BAZ1B: variants seen among roughly 807,000 people sequenced by gnomAD.
BAZ1B encodes the protein bromodomain adjacent to zinc finger domain 1B, also known as tyrosine-protein kinase BAZ1B.
BAZ1B carries 22 observed loss-of-function variants against 153.8 expected under a neutral mutation model. That is an observed-to-expected ratio of 0.14 (90% CI 0.10 to 0.20). BAZ1B has a LOEUF of 0.20. BAZ1B is among the 10% of genes least tolerant of loss of function. The pLI is 1.00. For synonymous variants in BAZ1B, 676 were observed against 633.4 expected (o/e 1.07, Z -1.01); for missense variants, 1,325 against 1,799.3 (o/e 0.74, Z 4.77).
At position 73,522,058 on chromosome 7, in the gene BAZ1B, G is replaced by GCGGCGCGAACTCCGGCTCCCTCACCGC. The variant is rs1791082877; in HGVS notation, c.-152_-126dup. On this transcript the variant is annotated 5_prime_UTR_variant, in exon 1 of 20. Transcript: ENST00000339594. ...GGTGGGGGAAGGGAGGGGTGAGAGG[G>GCGGCGCGAACTCCGGCTCCCTCACCGC]CGGCGCGAACTCCGGCTCCCTCACC... 4.9e-6 allele frequency: 3 copies of GCGGCGCGAACTCCGGCTCCCTCACCGC among 616,088 alleles called. No homozygotes were observed. Among genetic ancestry groups the GCGGCGCGAACTCCGGCTCCCTCACCGC allele is most frequent in the Non-Finnish European group, 7.0e-6 (3 of 426,572 alleles). 38.2% of individuals were successfully genotyped at this position (616,088 alleles called of 1,614,324 possible). A position where few individuals can be genotyped will look rare whatever the true frequency, so the allele number is the denominator to read the frequency against.
At chr7:73,495,711 T>G (rs1414292729) in intron 4 of BAZ1B, among the ~76,000 whole-genome samples, 2 of 152,172 alleles carry the variant, frequency 1.3e-5, no homozygotes, top group Non-Finnish European at 2.9e-5. Flanking sequence ...TAAAAAAGAA[T>G]GAGATCATGT....
At position 73,478,196 on chromosome 7, in the gene BAZ1B, T is replaced by C. The variant is rs782674372; in HGVS notation, c.1265A>G (p.Lys422Arg). 17 of 1,614,096 alleles carry C rather than the reference T, an allele frequency of 1.1e-5. 1 individual carries two copies. The South Asian group carries it at 1.1e-4, about 10-fold the overall frequency. The change falls in exon 7 of 20, where the codon AAA becomes AGA. Residue 422 changes from lysine to arginine, a missense_variant. Transcript: ENST00000339594. ...LNGQKSTGNS[K>R]SPKKGLKTPK... is the part of the protein sequence containing the mutation. The stretch of plus-strand genomic sequence containing the variant: ...AGTCTTCAGTCCTTTTTTGGGAGAT[T>C]TGGAATTCCCTGTGGATTTCTGTCC...
intron 1 of BAZ1B, among the ~76,000 whole-genome samples, chr7:73,518,582 T>A (rs1790907179): frequency 6.6e-6 from 1 of 152,186 alleles, no homozygotes; most frequent in Non-Finnish European, 1.5e-5. Flanking sequence ...AGTGCGTGCC[T>A]GTAGTCCCAG....
In BAZ1B at chr7:73,443,989, C is replaced by G; in HGVS notation, c.3985G>C (p.Glu1329Gln). ...APPVDDAEVD[E>Q]LVLQTKRSSR... is the part of the protein sequence containing the mutation. ...GGATGATAAATAATTCTCACCAGCT[C>G]ATCCACCTCAGCATCATCCACAGGT... Residue 1329 changes from glutamate (E) to glutamine (Q), a missense_variant, in exon 17 of 20, where the codon GAG becomes CAG. This residue lies in a region of BAZ1B where 271 missense variants were observed against 337.2 expected (regional missense o/e 0.80). Coordinates refer to ENST00000339594, the MANE Select transcript of BAZ1B (RefSeq NM_032408.4). The G allele has an allele frequency of 6.2e-7, 1 of 1,613,280 alleles. No individual in the cohort carries two copies. The highest frequency in any genetic ancestry group is 1.3e-5 in the African/African-American group (1 of 75,038).
At chr7:73,502,220 T>C (rs1186794096) in intron 3 of BAZ1B, among the ~76,000 whole-genome samples, 3 of 151,704 alleles carry the variant, frequency 2.0e-5, no homozygotes, top group Non-Finnish European at 4.4e-5. Context: ...CAGAAACAAC[T>C]GTGGATTTTG....
chr7:73,507,657 G>A (rs1192996073), intron 3 of BAZ1B, among the ~76,000 whole-genome samples: 1 of 152,222 alleles, frequency 6.6e-6, no homozygotes, highest in African/African-American at 2.4e-5. Flanking sequence ...ACAAAGTGTT[G>A]CAATTATTAC....
intron 2 of BAZ1B, among the ~76,000 whole-genome samples, chr7:73,509,939 T>C (rs553906911): frequency 1.3e-5 from 2 of 150,094 alleles, no homozygotes; most frequent in African/African-American, 4.9e-5. Flanking sequence ...CCAGCCTGGC[T>C]AACATGGTGA....
At chr7:73,478,876 A>C (rs556998212) in intron 6 of BAZ1B, among the ~76,000 whole-genome samples, 1 of 152,312 alleles carries the variant, frequency 6.6e-6, no homozygotes, top group East Asian at 1.9e-4. Context: ...CTCCAGCAGA[A>C]ATAGTAGACA....
chr7:73,494,929 C>T (rs782090471), intron 4 of BAZ1B, among the ~76,000 whole-genome samples: 1 of 152,172 alleles, frequency 6.6e-6, no homozygotes, highest in Non-Finnish European at 1.5e-5. Context: ...TTCTTGTTTA[C>T]CTGCCTTGGG....
intron 12 of BAZ1B, among the ~76,000 whole-genome samples, chr7:73,461,391 C>T (rs113652692): frequency 3.7e-4 from 56 of 152,336 alleles, no homozygotes; most frequent in African/African-American, 1.3e-3. Flanking sequence ...TAGAAGATAA[C>T]GTTTTAATAG....
intron 17 of BAZ1B, among the ~76,000 whole-genome samples, chr7:73,443,467 T>C (rs1787705797): frequency 6.6e-6 from 1 of 152,218 alleles, no homozygotes; most frequent in South Asian, 2.1e-4. Context: ...ATCTCCCAAA[T>C]GGCCTGCCTT....
At chr7:73,492,316 C>T (rs1257371609) in intron 5 of BAZ1B, among the ~76,000 whole-genome samples, 1 of 152,198 alleles carries the variant, frequency 6.6e-6, no homozygotes, top group East Asian at 1.9e-4. Context: ...GCGCCCGCCA[C>T]CACGCCCGGC....
At position 73,476,956 on chromosome 7, in the gene BAZ1B, A is replaced by G; in HGVS notation, c.2505T>C (p.Ala835=). The G allele has an allele frequency of 6.2e-7, 1 of 1,614,138 alleles. No individual in the cohort carries two copies. Among genetic ancestry groups the G allele is most frequent in the African/African-American group, 1.3e-5 (1 of 75,044 alleles). ...TCTTCACAGCACTAATCATGTCTTC[A>G]GCTTCTGTATCTACTTGGGGCTCAA... is the stretch of plus-strand genomic sequence containing the variant. ...VKFEPQVDTE[A]EDMISAVKSR... Residue 835 remains alanine, a synonymous_variant, in exon 7 of 20, where the codon GCT becomes GCC. Coordinates refer to ENST00000339594, the MANE Select transcript of BAZ1B (RefSeq NM_032408.4).
At chr7:73,447,179 A>G (rs2116226763) in intron 16 of BAZ1B, 85 bp downstream of exon 16, 1 of 1,610,184 alleles carries the variant, frequency 6.2e-7, no homozygotes, top group Non-Finnish European at 8.5e-7. Context: ...AGCCGGCCAC[A>G]CTACCTACTG....
rs1015792322 is a variant in BAZ1B, at chr7:73,466,360, G to C, written c.2908C>G (p.Gln970Glu). The C allele has an allele frequency of 6.2e-7, 1 of 1,613,848 alleles. No homozygotes were observed. Among genetic ancestry groups the C allele is most frequent in the South Asian group, 1.1e-5 (1 of 91,076 alleles). Residue 970 changes from glutamine to glutamate, a missense_variant, in exon 10 of 20, where the codon CAA (glutamine) becomes GAA (glutamate). Gln to Glu is a conservative substitution (Grantham distance 29, BLOSUM62 2). This residue lies in a region of BAZ1B where 431 missense variants were observed against 563.5 expected (regional missense o/e 0.76). Transcript: ENST00000339594. ...GCAACTTCTGTTGCTGTTCCATGTTGTGTGTTCATGCTTGCATTTTTACCT... is the reference window on the plus strand; with the variant it reads ...GCAACTTCTGTTGCTGTTCCATGTTCTGTGTTCATGCTTGCATTTTTACCT... ...NLGKNASMNT[Q>E]HGTATEVAVE... is the part of the protein sequence containing the mutation.
rs562292762 is a variant in BAZ1B at position 73,477,004 on chromosome 7, A to G, written c.2457T>C (p.Asp819=). Residue 819 remains aspartate (D), a synonymous_variant, in exon 7 of 20, where the codon GAT becomes GAC. Transcript: ENST00000339594. The surrounding 1 kb of genome is among the most constrained non-coding windows in gnomAD (Gnocchi z 5.6). The stretch of plus-strand genomic sequence containing the variant: ...CAAACTTCACAATTTCTTTTTTCCT[A>G]TCAGTTTTGCCTAACCCATTCTCAA... ...GKVENGLGKT[D]RKKEIVKFEP... 3.5e-5 allele frequency: 56 copies of G among 1,614,014 alleles called. No homozygotes were observed. Among genetic ancestry groups the G allele is most frequent in the Non-Finnish European group, 4.6e-5 (54 of 1,180,040 alleles).
chr7:73,517,488 C>A (rs1054068433), intron 1 of BAZ1B, among the ~76,000 whole-genome samples: 2 of 151,654 alleles, frequency 1.3e-5, no homozygotes, highest in Non-Finnish European at 2.9e-5. Context: ...CAGAGTGAGA[C>A]CCTGTCTCAA....
intron 7 of BAZ1B, among the ~76,000 whole-genome samples, chr7:73,475,030 A>G (rs1269629866): frequency 6.6e-6 from 1 of 152,228 alleles, no homozygotes; most frequent in Admixed American, 6.5e-5. Context: ...ATGAGATACC[A>G]TTTCACACCC....
In BAZ1B at chr7:73,449,539, C is replaced by T; in HGVS notation, c.3728+3G>A. 2 of 1,602,526 alleles carry T rather than the reference C, an allele frequency of 1.2e-6. No individual in the cohort carries two copies. The highest frequency in any genetic ancestry group is 2.2e-5 in the East Asian group (1 of 44,830). On this transcript the variant is annotated splice_donor_region_variant and intron_variant, in intron 15 of 19. Transcript: ENST00000339594. ...AATTATTTTTAAAAGAAAAGATTCT[C>T]ACCTGCCACGGGAGTTGCGCCTGGC...
Sources: gnomAD v4.1 joint callset for allele counts (sites outside exome capture counted in the v4.1 genomes callset) on GRCh38, gnomAD v4.1.1 for gene constraint, gnomAD v4.1.1 regional missense constraint, Gnocchi (gnomAD v3.1) non-coding constraint, MANE v1.5 for transcripts, NCBI Gene and HGNC (gene_info 2026-07-23, HGNC 2026-07-21) for gene names.